ADK: variants seen among roughly 807,000 people sequenced by gnomAD.
ADK encodes N6,N6-dimethyladenosine kinase.
A neutral mutation model predicts 44.7 loss-of-function variants in ADK; 24 were observed. That is an observed-to-expected ratio of 0.54 (90% CI 0.39 to 0.76). The LOEUF (loss-of-function observed/expected upper bound fraction) is 0.76. Ranked by LOEUF, ADK falls within the 30% of genes least tolerant of loss-of-function variation. The pLI is 0.00. For missense variants in ADK, 321 were observed against 425.1 expected, an observed-to-expected ratio of 0.76 and a Z score of 2.15; for synonymous variants, 128 against 142.6, an observed-to-expected ratio of 0.90 and a Z score of 0.73.
chr10:74,515,317 G>C (rs1166176956), intron 6 of ADK, among the ~76,000 whole-genome samples: 2 of 152,120 alleles, frequency 1.3e-5, no homozygotes, highest in Admixed American at 6.5e-5. Context: ...ACTTTGCCAG[G>C]GGTGGGCTCA....
intron 6 of ADK, among the ~76,000 whole-genome samples, chr10:74,505,120 C>T (rs1848016411): frequency 6.6e-6 from 1 of 152,008 alleles, no homozygotes; most frequent in Non-Finnish European, 1.5e-5. Flanking sequence ...GAAAGGATGG[C>T]AGAAGAGGTA....
At chr10:74,179,825 A>C (rs1488608374) in intron 1 of ADK, among the ~76,000 whole-genome samples, 2 of 152,178 alleles carry the variant, frequency 1.3e-5, no homozygotes, top group African/African-American at 2.4e-5. Flanking sequence ...TTTCTCTAAT[A>C]AACTTGCTTT....
chr10:74,335,752 C>T (rs1841387171), intron 4 of ADK, among the ~76,000 whole-genome samples: 1 of 152,136 alleles, frequency 6.6e-6, no homozygotes, highest in Non-Finnish European at 1.5e-5. Flanking sequence ...AGGAGCATCT[C>T]ATTGTTTGTT....
chr10:74,496,632 T>C (rs927938575), intron 6 of ADK, among the ~76,000 whole-genome samples: 1 of 152,188 alleles, frequency 6.6e-6, no homozygotes, highest in Non-Finnish European at 1.5e-5. Flanking sequence ...CATGCCACAC[T>C]ATGTTTTTAA....
chr10:74,423,269 A>T lies in ADK; in HGVS notation c.555+24690A>T, dbSNP rs200832002. On this transcript the variant is annotated intron_variant, in intron 6 of 10. Coordinates refer to ENST00000539909, the MANE Select transcript of ADK (RefSeq NM_006721.4). ...TGTACAGAAAGATGCAGGTGGAATA[A>T]CTCACTCTGGCCTGTGATCAAAATT... Among the ~76,000 whole-genome samples the T allele has an allele frequency of 3.3e-5, 5 of 152,256 alleles. No individual in the cohort carries two copies. The East Asian group carries it at 9.6e-4, about 29-fold the overall frequency.
intron 8 of ADK, among the ~76,000 whole-genome samples, chr10:74,599,763 T>G (rs1056829949): frequency 2.0e-5 from 3 of 152,220 alleles, no homozygotes; most frequent in African/African-American, 7.2e-5. Flanking sequence ...GTTTGTCATT[T>G]TTTAAACTTT....
intron 6 of ADK, among the ~76,000 whole-genome samples, chr10:74,464,916 G>A: frequency 6.6e-6 from 1 of 152,022 alleles, no homozygotes. Context: ...TGCTTTGCAT[G>A]GTTAATTTAT....
intron 3 of ADK, among the ~76,000 whole-genome samples, chr10:74,307,000 G>C (rs1373771280): frequency 6.6e-6 from 1 of 152,072 alleles, no homozygotes; most frequent in Non-Finnish European, 1.5e-5. Flanking sequence ...AATCCCTACT[G>C]TTTTCCCCCT....
At chr10:74,537,927 C>G (rs1849509212) in intron 7 of ADK, among the ~76,000 whole-genome samples, 2 of 151,982 alleles carry the variant, frequency 1.3e-5, no homozygotes, top group Non-Finnish European at 2.9e-5. Context: ...CCCCTCATAT[C>G]TAGTATTTTG....
At chr10:74,234,530 A>G (rs552360230) in intron 3 of ADK, among the ~76,000 whole-genome samples, 1 of 152,312 alleles carries the variant, frequency 6.6e-6, no homozygotes, top group Admixed American at 6.5e-5. Flanking sequence ...CTTGAAAAGT[A>G]TTTAAAGGTA....
intron 4 of ADK, among the ~76,000 whole-genome samples, chr10:74,326,579 C>T (rs956102448): frequency 1.3e-5 from 2 of 152,200 alleles, no homozygotes; most frequent in Admixed American, 6.5e-5. Context: ...CCACTGTACT[C>T]CAGCCTGGGC....
rs558631770 is a variant in ADK, at chr10:74,220,619, C to G, written c.141-3919C>G. On this transcript the variant is annotated intron_variant, in intron 2 of 10. Transcript: ENST00000539909. ...TGATGAACATTAATGCAAAAATCCTCAATAAAATACTGGCAAACCGAATCC... is the reference window on the plus strand; with the variant it reads ...TGATGAACATTAATGCAAAAATCCTGAATAAAATACTGGCAAACCGAATCC... 1.3e-4 allele frequency among the ~76,000 whole-genome samples: 20 copies of G among 152,292 alleles called. No individual in the cohort carries two copies. The East Asian group carries it at 2.1e-3, about 16-fold the overall frequency.
intron 7 of ADK, among the ~76,000 whole-genome samples, chr10:74,546,399 G>T (rs1467329883): frequency 6.6e-6 from 1 of 151,644 alleles, no homozygotes. Flanking sequence ...TCTCATCTCT[G>T]TTTTTTTTAG....
intron 7 of ADK, among the ~76,000 whole-genome samples, chr10:74,539,301 T>G (rs931047992): frequency 3.3e-5 from 5 of 152,162 alleles, no homozygotes; most frequent in African/African-American, 1.2e-4. Flanking sequence ...GTTCTGGGAT[T>G]ACAGGCATGA....
intron 1 of ADK, among the ~76,000 whole-genome samples, chr10:74,177,224 C>G (rs1842375436): frequency 6.6e-6 from 1 of 152,006 alleles, no homozygotes; most frequent in Admixed American, 6.5e-5. Context: ...CCGGAGGGAG[C>G]GTGGCGTGCA....
intron 3 of ADK, among the ~76,000 whole-genome samples, chr10:74,239,619 G>A (rs1845116483): frequency 6.6e-6 from 1 of 151,212 alleles, no homozygotes; most frequent in African/African-American, 2.4e-5. Context: ...GGCTGAGGTG[G>A]GAGGATCTCT....
chr10:74,375,916 G>A (rs1842806579), intron 4 of ADK, among the ~76,000 whole-genome samples: 1 of 151,814 alleles, frequency 6.6e-6, no homozygotes, highest in African/African-American at 2.4e-5. Context: ...TGTTGTTGCT[G>A]CTGTTGTTGT....
chr10:74,533,114 T>C (rs779635642), intron 7 of ADK, among the ~76,000 whole-genome samples: 11 of 152,244 alleles, frequency 7.2e-5, no homozygotes, highest in Non-Finnish European at 1.2e-4. Context: ...ACCAAAGATG[T>C]ATACACTGAA....
At chr10:74,574,097 G>A (rs868396564) in intron 7 of ADK, among the ~76,000 whole-genome samples, 13 of 151,968 alleles carry the variant, frequency 8.6e-5, no homozygotes, top group Admixed American at 2.6e-4. Context: ...CGTTTTCTGC[G>A]TCGCTCACAC....
Sources: gnomAD v4.1 joint callset for allele counts (sites outside exome capture counted in the v4.1 genomes callset) on GRCh38, gnomAD v4.1.1 for gene constraint, MANE v1.5 for transcripts, NCBI Gene and HGNC (gene_info 2026-07-23, HGNC 2026-07-21) for gene names.